The following DDX42 variants were observed in gnomAD, a reference collection of about 807,000 sequenced individuals.
The protein encoded by DDX42 is ATP-dependent RNA helicase DDX42.
A neutral mutation model predicts 101.5 loss-of-function variants in DDX42; 22 were observed. The ratio of observed to expected loss-of-function variants is 0.22; its 90% CI spans 0.15 to 0.31. DDX42 has a LOEUF of 0.31. Ranked by LOEUF, DDX42 falls within the 10% of genes least tolerant of loss-of-function variation. DDX42 has a pLI of 1.00. For synonymous variants in DDX42, 402 were observed against 401.2 expected (o/e 1.00, Z -0.02); for missense variants, 849 against 1,199.9 (o/e 0.71, Z 4.32).
At chr17:63,789,564 TGTTTTTG>T (rs536017342) in intron 2 of DDX42, among the ~76,000 whole-genome samples, 18,060 of 62,660 alleles carry the variant, frequency 0.29, 3,845 homozygotes, top group South Asian at 0.46. Context: ...TTTTTGTTTT[TGTTTTTG>T]TTTTTTTTTT....
intron 10 of DDX42, 144 bp from the exon 11 acceptor site, chr17:63,809,416 G>T: frequency 1.6e-6 from 1 of 623,918 alleles, no homozygotes; most frequent in Non-Finnish European, 2.8e-6. Flanking sequence ...GAGCTAAGTA[G>T]TGCATAAGGT....
intron 6 of DDX42, among the ~76,000 whole-genome samples, chr17:63,802,635 G>C (rs2039785803): frequency 1.3e-5 from 2 of 152,068 alleles, no homozygotes; most frequent in Admixed American, 6.6e-5. Flanking sequence ...TTCAGGCTGG[G>C]TATGGTGGCT....
intron 2 of DDX42, among the ~76,000 whole-genome samples, chr17:63,787,882 A>C (rs954990529): frequency 6.6e-6 from 1 of 150,408 alleles, no homozygotes; most frequent in Non-Finnish European, 1.5e-5. Flanking sequence ...AATATGGCTG[A>C]AGAGTTTTAT....
intron 3 of DDX42, among the ~76,000 whole-genome samples, chr17:63,796,954 A>G (rs78675643): frequency 0.016 from 2,457 of 152,328 alleles, 67 homozygotes; most frequent in African/African-American, 0.054. Flanking sequence ...AGATTGCCAG[A>G]AAAACTCACG....
chr17:63,810,409 T>G, intron 11 of DDX42, 104 bp from the exon 12 acceptor site: 1 of 1,257,372 alleles, frequency 8.0e-7, no homozygotes, highest in Admixed American at 2.2e-5. Context: ...CTAATTTTCT[T>G]AATTCTTACA....
chr17:63,784,980 G>T (rs1045251252), intron 1 of DDX42, among the ~76,000 whole-genome samples: 1 of 152,120 alleles, frequency 6.6e-6, no homozygotes. Context: ...ATATCATTAG[G>T]TGAAGAAATC....
chr17:63,789,672 C>T (rs1349801193), intron 2 of DDX42, among the ~76,000 whole-genome samples: 1 of 148,180 alleles, frequency 6.7e-6, no homozygotes, highest in Non-Finnish European at 1.5e-5. Flanking sequence ...CTCCTGGGTT[C>T]AAGCAATTCT....
chr17:63,790,405 A>G (rs2039612287), intron 2 of DDX42, among the ~76,000 whole-genome samples: 1 of 151,996 alleles, frequency 6.6e-6, no homozygotes, highest in Non-Finnish European at 1.5e-5. Context: ...TGGGTGTATC[A>G]CTTGAGGTCA....
intron 1 of DDX42, among the ~76,000 whole-genome samples, chr17:63,786,196 G>A (rs1269334979): frequency 1.3e-5 from 2 of 152,158 alleles, no homozygotes; most frequent in African/African-American, 4.8e-5. Flanking sequence ...GTTGAGGCTA[G>A]CATGGTGTGT....
intron 1 of DDX42, among the ~76,000 whole-genome samples, chr17:63,777,737 C>T (rs768214636): frequency 2.0e-5 from 3 of 151,922 alleles, no homozygotes; most frequent in East Asian, 1.9e-4. Flanking sequence ...CGTGAGCCAC[C>T]GTGCCCAGCC....
At position 63,797,937 on chromosome 17, in the gene DDX42, A is replaced by G. The variant is rs1011587606; in HGVS notation, c.373-101A>G. 1.2e-5 allele frequency: 13 copies of G among 1,101,078 alleles called. No homozygotes were observed. In the East Asian group the frequency reaches 1.2e-4, roughly 10 times the overall value. 68.2% of individuals were successfully genotyped at this position (1,101,078 alleles called of 1,614,324 possible). A position where few individuals can be genotyped will look rare whatever the true frequency, so the allele number is the denominator to read the frequency against. On this transcript the variant is annotated intron_variant, in intron 3 of 17. Transcript: ENST00000389924. ...TGATGGCATCAAAATGCACTTGTCA[A>G]ATACATAGCTAAAGCTATTATGGCA... is the stretch of plus-strand genomic sequence containing the variant.
chr17:63,793,590 A>T (rs2039654459), intron 3 of DDX42, among the ~76,000 whole-genome samples: 1 of 152,182 alleles, frequency 6.6e-6, no homozygotes, highest in Non-Finnish European at 1.5e-5. Flanking sequence ...GGATTATTTT[A>T]AAATCTCAGA....
At chr17:63,775,014 C>T (rs748890935) in intron 1 of DDX42, 1 of 152,628 alleles carries the variant, frequency 6.6e-6, no homozygotes, top group Non-Finnish European at 1.5e-5. Context: ...TGCCCCCACT[C>T]CTATAGGCAG....
At chr17:63,788,081 T>C (rs2039570906) in intron 2 of DDX42, among the ~76,000 whole-genome samples, 1 of 151,706 alleles carries the variant, frequency 6.6e-6, no homozygotes, top group Admixed American at 6.6e-5. Flanking sequence ...ATTTTTGTAT[T>C]ATTAGTAGAG....
At chr17:63,795,393 A>G (rs1356365133) in intron 3 of DDX42, among the ~76,000 whole-genome samples, 2 of 152,230 alleles carry the variant, frequency 1.3e-5, no homozygotes, top group Non-Finnish European at 2.9e-5. Context: ...CGCCCAAGCC[A>G]GAGTGCAGTG....
At chr17:63,786,990 C>T in intron 1 of DDX42, 44 bp from the exon 2 acceptor site, 1 of 1,604,114 alleles carries the variant, frequency 6.2e-7, no homozygotes, top group East Asian at 2.2e-5. Context: ...GGGCTATACA[C>T]TTTTTTAAGT....
At chr17:63,780,977 C>CAAA (rs2039481016) in intron 1 of DDX42, among the ~76,000 whole-genome samples, 1 of 152,006 alleles carries the variant, frequency 6.6e-6, no homozygotes, top group South Asian at 2.1e-4. Context: ...CTGGTTTTTC[C>CAAA]CCTTTAGCAT....
intron 10 of DDX42, 114 bp from the exon 11 acceptor site, chr17:63,809,446 A>G: frequency 1.3e-6 from 1 of 771,056 alleles, no homozygotes; most frequent in Non-Finnish European, 2.2e-6. Context: ...TTGGACCAGT[A>G]TCTATTACAG....
At chr17:63,777,266 G>A (rs1044586695) in intron 1 of DDX42, among the ~76,000 whole-genome samples, 4 of 152,044 alleles carry the variant, frequency 2.6e-5, no homozygotes, top group South Asian at 4.1e-4. Flanking sequence ...CATCTTGACT[G>A]TTTCTCTTCA....
Sources: gnomAD v4.1 joint callset for allele counts (sites outside exome capture counted in the v4.1 genomes callset) on GRCh38, gnomAD v4.1.1 for gene constraint, MANE v1.5 for transcripts, NCBI Gene and HGNC (gene_info 2026-07-23, HGNC 2026-07-21) for gene names.